The following TENM4 variants were observed in gnomAD, a reference collection of about 807,000 sequenced individuals.
The protein encoded by TENM4 is teneurin transmembrane protein 4, also known as teneurin-4.
A neutral mutation model predicts 243.3 loss-of-function variants in TENM4; 82 were observed. That is an observed-to-expected ratio of 0.34 (90% confidence interval 0.28 to 0.40). TENM4 has a LOEUF of 0.40. Ranked by LOEUF, TENM4 falls within the 10% of genes least tolerant of loss-of-function variation. The probability of loss-of-function intolerance (pLI) is 1.00; values close to 1 mark genes in which losing one functional copy is unlikely to be tolerated. For missense variants in TENM4, 3,138 were observed against 3,673.3 expected, an observed-to-expected ratio of 0.85 and a Z score of 3.77; for synonymous variants, 1,412 against 1,456.3, an observed-to-expected ratio of 0.97 and a Z score of 0.69.
At chr11:79,169,467 C>G (rs188311058) in intron 3 of TENM4, among the ~76,000 whole-genome samples, 1 of 152,120 alleles carries the variant, frequency 6.6e-6, no homozygotes, top group Non-Finnish European at 1.5e-5. Context: ...AGACTCAGGT[C>G]TTGGAATCCT....
At chr11:79,306,146 T>C in intron 1 of TENM4, among the ~76,000 whole-genome samples, 1 of 152,206 alleles carries the variant, frequency 6.6e-6, no homozygotes, top group Middle Eastern at 3.2e-3. Context: ...AGTTAAATGA[T>C]GTTTTTGTGT....
intron 21 of TENM4, among the ~76,000 whole-genome samples, 176 bp downstream of exon 21, chr11:78,732,140 T>C (rs1855682860): frequency 6.6e-6 from 1 of 152,332 alleles, no homozygotes; most frequent in South Asian, 2.1e-4. Flanking sequence ...GTGCCCCTCA[T>C]GCCCTTACAC....
intron 6 of TENM4, among the ~76,000 whole-genome samples, chr11:79,012,591 A>G (rs1858674305): frequency 6.6e-6 from 1 of 152,200 alleles, no homozygotes; most frequent in African/African-American, 2.4e-5. Flanking sequence ...TTCTTGAGAA[A>G]TGATAAAGTT....
At chr11:79,130,444 G>A (rs1378793488) in intron 4 of TENM4, among the ~76,000 whole-genome samples, 1 of 150,574 alleles carries the variant, frequency 6.6e-6, no homozygotes, top group Non-Finnish European at 1.5e-5. Flanking sequence ...TAATCAGGGA[G>A]GGACCAGAGA....
In TENM4 at chr11:79,138,959, T is replaced by G. The variant is rs1424492768; in HGVS notation, c.-66+9751A>C. Among the ~76,000 whole-genome samples, 8 of 103,708 alleles carry G rather than the reference T, an allele frequency of 7.7e-5. 1 individual carries two copies. The highest frequency in any genetic ancestry group is 4.9e-4 in the East Asian group (2 of 4,082). 68.0% of individuals were successfully genotyped at this position (103,708 alleles called of 152,430 possible). A position where few individuals can be genotyped will look rare whatever the true frequency, so the allele number is the denominator to read the frequency against. ...ATATAAAATATATATTATATTTCCATAAATATATAAAATATATATTATATT... is the reference window on the plus strand; with the variant it reads ...ATATAAAATATATATTATATTTCCAGAAATATATAAAATATATATTATATT... On this transcript the variant is annotated intron_variant, in intron 4 of 33. Transcript: ENST00000278550.
rs140970241 is a variant in TENM4, at chr11:79,418,119, T to C, written c.-321+22390A>G. ...CATAAATATGACAAACAAGGATGCA[T>C]AATAAGTAACATAAATTATATATTA... On this transcript the variant is annotated intron_variant, in intron 1 of 33. Coordinates refer to ENST00000278550, the MANE Select transcript of TENM4 (RefSeq NM_001098816.3). Among the ~76,000 whole-genome samples the C allele has an allele frequency of 3.3e-5, 4 of 121,066 alleles. 1 individual carries two copies. The highest frequency in any genetic ancestry group is 5.9e-4 in the South Asian group (2 of 3,412). The allele number at this position is 121,066 out of a possible 152,430, so 79.4% of individuals were successfully genotyped here.
chr11:78,796,230 G>A (rs2136062685), intron 15 of TENM4, among the ~76,000 whole-genome samples: 1 of 152,294 alleles, frequency 6.6e-6, no homozygotes, highest in South Asian at 2.1e-4. Flanking sequence ...TAATTGGAGA[G>A]TATCTGGCTT....
intron 12 of TENM4, among the ~76,000 whole-genome samples, chr11:78,816,244 C>T (rs540022035): frequency 6.6e-6 from 1 of 152,352 alleles, no homozygotes; most frequent in South Asian, 2.1e-4. Context: ...GGGCACCTTG[C>T]TATGGAGATA....
chr11:79,005,664 A>T (rs1301957169), intron 6 of TENM4, among the ~76,000 whole-genome samples: 1 of 152,172 alleles, frequency 6.6e-6, no homozygotes, highest in East Asian at 1.9e-4. Flanking sequence ...AACTTGAAGC[A>T]TTTCCCCTGA....
At chr11:78,972,463 A>G (rs1287367589) in intron 6 of TENM4, among the ~76,000 whole-genome samples, 1 of 152,086 alleles carries the variant, frequency 6.6e-6, no homozygotes, top group Non-Finnish European at 1.5e-5. Flanking sequence ...TTTCTCGGGG[A>G]CTTTAAAAAA....
intron 22 of TENM4, among the ~76,000 whole-genome samples, chr11:78,727,748 A>C (rs896508241): frequency 6.6e-5 from 10 of 152,178 alleles, no homozygotes; most frequent in African/African-American, 2.4e-4. Context: ...GGTGTGTAAA[A>C]AGTCCTGTAA....
intron 6 of TENM4, among the ~76,000 whole-genome samples, chr11:78,926,360 G>C (rs1856550968): frequency 6.8e-6 from 1 of 147,654 alleles, no homozygotes; most frequent in Non-Finnish European, 1.5e-5. Context: ...CACTGTCTCT[G>C]CCTCCCGGGT....
intron 6 of TENM4, 149 bp downstream of exon 6, chr11:79,064,589 C>T: frequency 9.2e-7 from 1 of 1,082,986 alleles, no homozygotes; most frequent in Non-Finnish European, 1.3e-6. Context: ...CGTGACTCTC[C>T]AAGAGACTCT....
chr11:79,339,861 A>G (rs1479107932), intron 1 of TENM4, among the ~76,000 whole-genome samples: 2 of 152,138 alleles, frequency 1.3e-5, no homozygotes, highest in Non-Finnish European at 2.9e-5. Context: ...CAGAGGGGAC[A>G]GTGTGGGAAG....
intron 3 of TENM4, among the ~76,000 whole-genome samples, chr11:79,194,060 T>C (rs925362929): frequency 6.6e-6 from 1 of 152,088 alleles, no homozygotes; most frequent in Non-Finnish European, 1.5e-5. Flanking sequence ...TTTCCTGTGC[T>C]ATTTTCATGA....
At chr11:79,283,071 T>G (rs1328051672) in intron 2 of TENM4, among the ~76,000 whole-genome samples, 1 of 152,084 alleles carries the variant, frequency 6.6e-6, no homozygotes, top group East Asian at 1.9e-4. Flanking sequence ...CTTTTAAAGT[T>G]TTCCAAAATA....
chr11:79,296,742 A>G (rs1856461381), intron 2 of TENM4, among the ~76,000 whole-genome samples: 1 of 152,240 alleles, frequency 6.6e-6, no homozygotes. Flanking sequence ...TCTTTCAGCC[A>G]TCGTTTTCTC....
chr11:78,972,165 T>C (rs1857558209), intron 6 of TENM4, among the ~76,000 whole-genome samples: 1 of 152,176 alleles, frequency 6.6e-6, no homozygotes, highest in South Asian at 2.1e-4. Context: ...TAGACACACA[T>C]ACAGAAAAGT....
rs150883990 is a variant in TENM4, at chr11:79,163,671, T to C, written c.-162-14865A>G. Reference sequence around the variant, plus strand: ...TTTTCCATTCCTGAGTTACTTCACTTAGAATAATGGTCTCTAACTCCATCC... The same window carrying C: ...TTTTCCATTCCTGAGTTACTTCACTCAGAATAATGGTCTCTAACTCCATCC... On this transcript the variant is annotated intron_variant, in intron 3 of 33. Coordinates refer to ENST00000278550, the MANE Select transcript of TENM4 (RefSeq NM_001098816.3). Among the ~76,000 whole-genome samples the C allele has an allele frequency of 2.9e-3, 443 of 151,852 alleles. 2 individuals carry two copies. Among genetic ancestry groups the C allele is most frequent in the African/African-American group, 0.01 (416 of 41,386 alleles).
Sources: allele counts gnomAD v4.1 joint callset (sites outside exome capture counted in the v4.1 genomes callset), GRCh38; gene constraint gnomAD v4.1.1; transcripts MANE v1.5; gene names NCBI Gene and HGNC (gene_info 2026-07-23, HGNC 2026-07-21).